The following NR3C2 variants were observed in gnomAD, a reference collection of about 807,000 sequenced individuals.
NR3C2 encodes the protein nuclear receptor subfamily 3 group C member 2, also known as mineralocorticoid receptor.
NR3C2 carries 15 observed loss-of-function variants against 86.4 expected under a neutral mutation model. The ratio of observed to expected loss-of-function variants is 0.17; its 90% confidence interval spans 0.12 to 0.27. The LOEUF is 0.27. Among genes scored for constraint, NR3C2 ranks in the 10% least tolerant of loss-of-function variants. The pLI, the probability that NR3C2 is intolerant of heterozygous loss-of-function variation, is 1.00. For missense variants in NR3C2, 960 were observed against 1,195.6 expected, an observed-to-expected ratio of 0.80 and a Z score of 2.91; for synonymous variants, 458 against 450.5, an observed-to-expected ratio of 1.02 and a Z score of -0.21.
rs72656889 is a variant in NR3C2 at position 148,386,529 on chromosome 4, CAAA to C, written c.1757+48572_1757+48574del. Reference sequence around the variant, plus strand: ...ACTGTAAACAACAAACTCAGATAATCAAAAAGTCTTTACCTTGGAGGGATCATA... The same window carrying C: ...ACTGTAAACAACAAACTCAGATAATCAAGTCTTTACCTTGGAGGGATCATA... On this transcript the variant is annotated intron_variant, in intron 2 of 8. Transcript: ENST00000358102. Among the ~76,000 whole-genome samples the C allele has an allele frequency of 1.6e-3, 243 of 152,276 alleles. 1 individual carries two copies. The highest frequency in any genetic ancestry group is 5.5e-3 in the African/African-American group (228 of 41,574).
rs1378121578 is a variant in NR3C2 at position 148,154,765 on chromosome 4, G to A, written c.2151C>T (p.Pro717=). Residue 717 remains proline (P), a synonymous_variant, in exon 5 of 9, where the codon CCC becomes CCT. Transcript: ENST00000358102. ...GTTYIAPAKE[P]SVNTALVPQL... The stretch of plus-strand genomic sequence containing the variant: ...GAGGAACCAGTGCTGTGTTGACCGA[G>A]GGTTCTTTTGCAGGAGCGATGTACG... 8.1e-6 allele frequency: 13 copies of A among 1,612,516 alleles called. No individual in the cohort carries two copies. The South Asian group carries it at 1.4e-4, about 18-fold the overall frequency.
intron 2 of NR3C2, among the ~76,000 whole-genome samples, chr4:148,392,738 T>C (rs1327169073): frequency 6.6e-6 from 1 of 152,174 alleles, no homozygotes. Flanking sequence ...GTAAAAGTAT[T>C]TTACCAAAAT....
chr4:148,316,745 C>G (rs1270834013), intron 2 of NR3C2, among the ~76,000 whole-genome samples: 1 of 152,036 alleles, frequency 6.6e-6, no homozygotes, highest in African/African-American at 2.4e-5. Context: ...TTTGAACATT[C>G]CACTTAAAAA....
chr4:148,181,591 A>G (rs1443034461), intron 4 of NR3C2, among the ~76,000 whole-genome samples: 2 of 152,222 alleles, frequency 1.3e-5, no homozygotes, highest in Admixed American at 6.5e-5. Context: ...GAACACTGGT[A>G]AAAGTGAAGT....
chr4:148,224,675 G>A (rs972423760), intron 3 of NR3C2, among the ~76,000 whole-genome samples: 9 of 152,156 alleles, frequency 5.9e-5, no homozygotes, highest in African/African-American at 1.9e-4. Flanking sequence ...GGAACAATAC[G>A]GGTTAGAATC....
At chr4:148,327,139 G>T (rs1179543645) in intron 2 of NR3C2, among the ~76,000 whole-genome samples, 9 of 151,974 alleles carry the variant, frequency 5.9e-5, no homozygotes, top group Admixed American at 3.9e-4. Context: ...GAGGGGTTAG[G>T]GTATTAATCT....
chr4:148,388,232 C>T (rs1365020335), intron 2 of NR3C2, among the ~76,000 whole-genome samples: 2 of 152,166 alleles, frequency 1.3e-5, no homozygotes, highest in Admixed American at 6.5e-5. Flanking sequence ...AAAGTACAGA[C>T]TGAACATGCT....
chr4:148,414,754 A>AT (rs1748911508), intron 2 of NR3C2, among the ~76,000 whole-genome samples: 2 of 152,136 alleles, frequency 1.3e-5, no homozygotes, highest in South Asian at 4.1e-4. Context: ...TGTGATAATT[A>AT]TTTTTCCTTT....
chr4:148,082,499 A>AG (rs937220208), intron 8 of NR3C2, among the ~76,000 whole-genome samples: 1 of 152,092 alleles, frequency 6.6e-6, no homozygotes, highest in African/African-American at 2.4e-5. Context: ...GGAAGCCATG[A>AG]GGGGGACTGT....
At chr4:148,224,428 CTAAA>C (rs1205850643) in intron 3 of NR3C2, among the ~76,000 whole-genome samples, 2 of 152,202 alleles carry the variant, frequency 1.3e-5, no homozygotes, top group East Asian at 1.9e-4. Context: ...AAAGCAAGCA[CTAAA>C]TAAATGTTTG....
At chr4:148,256,507 T>C (rs1739839416) in intron 3 of NR3C2, among the ~76,000 whole-genome samples, 1 of 152,140 alleles carries the variant, frequency 6.6e-6, no homozygotes, top group Non-Finnish European at 1.5e-5. Flanking sequence ...AATGTTCGGG[T>C]AGGGCAACAC....
rs1218017662 is a variant in NR3C2, at chr4:148,285,181, G to C, written c.1758-25064C>G. ...TGGGGGTCTCATAAGAATATTTTCT[G>C]CCATAAGAGGAAAGTTATTTACCCC... On this transcript the variant is annotated intron_variant, in intron 2 of 8. Transcript: ENST00000358102. Among the ~76,000 whole-genome samples, 4 of 152,148 alleles carry C rather than the reference G, an allele frequency of 2.6e-5. No individual in the cohort carries two copies. The East Asian group carries it at 7.7e-4, about 29-fold the overall frequency.
chr4:148,138,256 T>C (rs1273193760), intron 6 of NR3C2, among the ~76,000 whole-genome samples: 1 of 152,196 alleles, frequency 6.6e-6, no homozygotes, highest in Admixed American at 6.5e-5. Flanking sequence ...TCTTAAATAC[T>C]GTCATGATAT....
intron 3 of NR3C2, among the ~76,000 whole-genome samples, chr4:148,218,704 A>T (rs537287421): frequency 3.3e-4 from 50 of 152,226 alleles, no homozygotes; most frequent in African/African-American, 1.1e-3. Flanking sequence ...TCAACTACTA[A>T]TCTAGTTTCT....
intron 2 of NR3C2, among the ~76,000 whole-genome samples, chr4:148,341,141 C>A (rs1350993588): frequency 6.6e-6 from 1 of 152,094 alleles, no homozygotes; most frequent in African/African-American, 2.4e-5. Context: ...GAGATATCTG[C>A]ACTCCCATAT....
chr4:148,248,382 A>C (rs1006074444), intron 3 of NR3C2, among the ~76,000 whole-genome samples: 8 of 152,236 alleles, frequency 5.3e-5, no homozygotes, highest in Non-Finnish European at 7.3e-5. Context: ...CCAGATGAAA[A>C]ATGACCAACC....
chr4:148,380,010 A>T (rs1017525195), intron 2 of NR3C2, among the ~76,000 whole-genome samples: 4 of 152,268 alleles, frequency 2.6e-5, no homozygotes, highest in East Asian at 1.9e-4. Context: ...GGTATATTTT[A>T]AAAAATGTAA....
intron 2 of NR3C2, among the ~76,000 whole-genome samples, chr4:148,326,488 C>T (rs935728833): frequency 1.3e-5 from 2 of 151,990 alleles, no homozygotes; most frequent in African/African-American, 4.8e-5. Context: ...TTTAAAGTTG[C>T]CCATGTTAGT....
intron 4 of NR3C2, among the ~76,000 whole-genome samples, chr4:148,164,387 T>C (rs528660624): frequency 6.6e-6 from 1 of 152,366 alleles, no homozygotes; most frequent in South Asian, 2.1e-4. Flanking sequence ...GGTAACTTCT[T>C]CAGACAAATA....
Sources: allele counts gnomAD v4.1 joint callset (sites outside exome capture counted in the v4.1 genomes callset), GRCh38; gene constraint gnomAD v4.1.1; transcripts MANE v1.5; gene names NCBI Gene and HGNC (gene_info 2026-07-23, HGNC 2026-07-21).